Variants in ABCD3 observed in about 807,000 individuals in gnomAD.
ABCD3 encodes the protein ATP-binding cassette sub-family D member 3.
In ABCD3, 41 loss-of-function variants were observed where a neutral mutation model predicts 105.5. That is an observed-to-expected ratio of 0.39 (90% CI 0.30 to 0.50). ABCD3 has a LOEUF of 0.50. Among genes scored for constraint, ABCD3 ranks in the 20% least tolerant of loss-of-function variants. The pLI, the probability that ABCD3 is intolerant of heterozygous loss-of-function variation, is 0.84. For synonymous variants in ABCD3, 258 were observed against 269.0 expected, an observed-to-expected ratio of 0.96 and a Z score of 0.40; for missense variants, 622 against 806.3, an observed-to-expected ratio of 0.77 and a Z score of 2.77.
upstream of ABCD3, among the ~76,000 whole-genome samples, chr1:94,418,244 G>C (rs896938511): frequency 6.6e-6 from 1 of 152,202 alleles, no homozygotes; most frequent in African/African-American, 2.4e-5. Context: ...TGCGCAGAGC[G>C]CGTCCCGGGA....
the ABCD3 span, among the ~76,000 whole-genome samples, chr1:94,391,515 G>T: frequency 1.3e-5 from 2 of 152,020 alleles, no homozygotes; most frequent in Non-Finnish European, 2.9e-5. Context: ...TCCATTCCAG[G>T]TCCTGTCATC....
chr1:94,512,151 G>A (rs1650704052), intron 21 of ABCD3, among the ~76,000 whole-genome samples: 1 of 152,026 alleles, frequency 6.6e-6, no homozygotes, highest in Admixed American at 6.6e-5. Flanking sequence ...TGGTGACCGT[G>A]ATGTACAGAT....
chr1:94,501,994 T>C (rs533754688), intron 20 of ABCD3, among the ~76,000 whole-genome samples: 1 of 152,144 alleles, frequency 6.6e-6, no homozygotes, highest in Non-Finnish European at 1.5e-5. Flanking sequence ...CTCTGCCTCC[T>C]TTCCTGTCCA....
the ABCD3 span, among the ~76,000 whole-genome samples, chr1:94,401,134 C>T: frequency 9.9e-5 from 15 of 152,270 alleles, no homozygotes; most frequent in South Asian, 1.7e-3. Context: ...AATTATGTTT[C>T]TTATAATTAC....
chr1:94,419,626 C>A (rs548762968), intron 1 of ABCD3, among the ~76,000 whole-genome samples: 1 of 152,228 alleles, frequency 6.6e-6, no homozygotes, highest in African/African-American at 2.4e-5. Flanking sequence ...ACTGTTGCCT[C>A]CCGTGTTTGA....
At chr1:94,444,628 A>G (rs1660277960) in intron 1 of ABCD3, among the ~76,000 whole-genome samples, 2 of 152,116 alleles carry the variant, frequency 1.3e-5, no homozygotes, top group Non-Finnish European at 2.9e-5. Context: ...GTTGTTACAT[A>G]TATTACTCAT....
At chr1:94,392,926 A>G in the ABCD3 span, among the ~76,000 whole-genome samples, 3 of 151,778 alleles carry the variant, frequency 2.0e-5, no homozygotes, top group African/African-American at 7.3e-5. Context: ...ATCCTGGCCA[A>G]CATGGTAAAA....
rs1013408871 is a variant in ABCD3 at position 94,480,508 on chromosome 1, C to T, written c.729C>T (p.Phe243=). The T allele has an allele frequency of 5.6e-6, 9 of 1,613,810 alleles. No individual in the cohort carries two copies. The highest frequency in any genetic ancestry group is 7.6e-6 in the Non-Finnish European group (9 of 1,179,840). ...MMAYLVVSGL[F]LTRLRRPIGK... Reference sequence around the variant, plus strand: ...CCTACTTGGTTGTTTCTGGGCTATTCCTAACTCGACTTCGAAGACCCATTG... The same window carrying T: ...CCTACTTGGTTGTTTCTGGGCTATTTCTAACTCGACTTCGAAGACCCATTG... The change falls in exon 9 of 23, where the codon TTC becomes TTT. Residue 243 remains phenylalanine (F), a synonymous_variant. Coordinates refer to ENST00000370214, the MANE Select transcript of ABCD3 (RefSeq NM_002858.4).
chr1:94,433,431 G>C (rs369023242), intron 1 of ABCD3, among the ~76,000 whole-genome samples: 1 of 152,008 alleles, frequency 6.6e-6, no homozygotes, highest in South Asian at 2.1e-4. Flanking sequence ...TGGGATTACA[G>C]GTGTGAGCCA....
At chr1:94,508,489 C>T (rs1375686954) in intron 21 of ABCD3, among the ~76,000 whole-genome samples, 1 of 151,318 alleles carries the variant, frequency 6.6e-6, no homozygotes, top group Non-Finnish European at 1.5e-5. Context: ...TTTTTTGGTT[C>T]CATATGAACT....
chr1:94,398,532 AC>A, the ABCD3 span, among the ~76,000 whole-genome samples: 1 of 151,118 alleles, frequency 6.6e-6, no homozygotes, highest in Non-Finnish European at 1.5e-5. Context: ...CTCCACCCCC[AC>A]CCCCTGCGGT....
chr1:94,395,840 A>T, the ABCD3 span, among the ~76,000 whole-genome samples: 7 of 147,400 alleles, frequency 4.7e-5, no homozygotes, highest in Non-Finnish European at 7.5e-5. Flanking sequence ...CACGCGTGTG[A>T]GAGAGAGAGA....
intron 1 of ABCD3, among the ~76,000 whole-genome samples, chr1:94,446,785 TA>T (rs1660364294): frequency 6.6e-6 from 1 of 152,200 alleles, no homozygotes; most frequent in Admixed American, 6.5e-5. Flanking sequence ...TTGGAGTTGG[TA>T]AAGCCCCTGA....
In ABCD3 at chr1:94,479,328, C is replaced by T. The variant is rs17111580; in HGVS notation, c.684+1013C>T. Among the ~76,000 whole-genome samples, 818 of 152,082 alleles carry T rather than the reference C, an allele frequency of 5.4e-3. 10 individuals carry two copies. The highest frequency in any genetic ancestry group is 0.019 in the African/African-American group (770 of 41,496). ...ATACTTAAATATGTCTCCATGTCTA[C>T]TTGTTATCTGATTCTGCATTTCTTA... On this transcript the variant is annotated intron_variant, in intron 8 of 22. Transcript: ENST00000370214.
chr1:94,461,671 G>C (rs758384049), intron 2 of ABCD3, among the ~76,000 whole-genome samples: 1 of 151,946 alleles, frequency 6.6e-6, no homozygotes, highest in Non-Finnish European at 1.5e-5. Flanking sequence ...TTTTACAGTT[G>C]TATAGAGTTT....
chr1:94,459,035 T>C (rs1231401347), intron 2 of ABCD3, among the ~76,000 whole-genome samples: 1 of 146,752 alleles, frequency 6.8e-6, no homozygotes, highest in Non-Finnish European at 1.5e-5. Context: ...TTTTTTCTTT[T>C]CTTCTCTTTT....
chr1:94,388,511 G>A, the ABCD3 span, among the ~76,000 whole-genome samples: 7 of 152,282 alleles, frequency 4.6e-5, no homozygotes, highest in Admixed American at 2.0e-4. Flanking sequence ...AGAAAGGAAG[G>A]CTATTTTTCC....
intron 13 of ABCD3, 68 bp downstream of exon 13, chr1:94,488,051 A>G (rs574125728): frequency 7.8e-6 from 10 of 1,284,136 alleles, no homozygotes; most frequent in Non-Finnish European, 1.1e-5. Context: ...TAATGATTGT[A>G]TCAGTTGAGA....
intron 2 of ABCD3, 39 bp downstream of exon 2, chr1:94,458,682 A>G: frequency 3.9e-6 from 6 of 1,555,232 alleles, no homozygotes; most frequent in East Asian, 2.3e-5. Context: ...GATTTCATGC[A>G]TTTATTTCAT....
Sources: allele counts gnomAD v4.1 joint callset (sites outside exome capture counted in the v4.1 genomes callset), GRCh38; gene constraint gnomAD v4.1.1; transcripts MANE v1.5; gene names NCBI Gene and HGNC (gene_info 2026-07-23, HGNC 2026-07-21).